The following AGTPBP1 variants were observed in gnomAD, a reference collection of about 807,000 sequenced individuals.
The protein encoded by AGTPBP1 is cytosolic carboxypeptidase 1.
AGTPBP1 carries 70 observed loss-of-function variants against 143.9 expected under a neutral mutation model. The observed-to-expected ratio is 0.49, with a 90% CI of 0.40 to 0.59. The LOEUF is 0.59. Among genes scored for constraint, AGTPBP1 ranks in the 20% least tolerant of loss-of-function variants. The pLI is 0.00. For synonymous variants in AGTPBP1, 463 were observed against 500.2 expected (o/e 0.93, Z 0.99); for missense variants, 1,229 against 1,464.5 (o/e 0.84, Z 2.62).
chr9:85,655,775 T>G (rs1478666286), intron 10 of AGTPBP1, among the ~76,000 whole-genome samples: 1 of 152,168 alleles, frequency 6.6e-6, no homozygotes, highest in Non-Finnish European at 1.5e-5. Flanking sequence ...ATAAGTTGGC[T>G]ATTCACCTTA....
At position 85,655,149 on chromosome 9, in the gene AGTPBP1, G is replaced by A; in HGVS notation, c.1081C>T (p.Pro361Ser). Residue 361 changes from proline (P) to serine (S), a missense_variant, in exon 11 of 26, where the codon CCT becomes TCT. Pro to Ser is a moderately conservative substitution (Grantham distance 74, BLOSUM62 -1). Around this residue, in one of 2 missense-constraint regions of AGTPBP1, gnomAD observed 743 missense variants for 812.2 expected, o/e 0.91. Transcript: ENST00000357081. ...AGTGACCCTGTGATCCTACCTTCAGGAGGTAAGCTGTAGAGCTGAGCCACA... is the reference window on the plus strand; with the variant it reads ...AGTGACCCTGTGATCCTACCTTCAGAAGGTAAGCTGTAGAGCTGAGCCACA... ...GPVAQLYSLP[P>S]EVDDVVDESD... is the part of the protein sequence containing the mutation. 6.2e-7 allele frequency: 1 copy of A among 1,611,022 alleles called. No homozygotes were observed. Among genetic ancestry groups the A allele is most frequent in the African/African-American group, 1.3e-5 (1 of 74,818 alleles).
intron 24 of AGTPBP1, among the ~76,000 whole-genome samples, chr9:85,578,423 C>A (rs990526308): frequency 6.6e-6 from 1 of 152,056 alleles, no homozygotes; most frequent in Non-Finnish European, 1.5e-5. Flanking sequence ...CCAGTCTGGG[C>A]AATATGGTGA....
intron 18 of AGTPBP1, among the ~76,000 whole-genome samples, chr9:85,592,988 G>A (rs746838823): frequency 3.3e-5 from 5 of 151,976 alleles, no homozygotes; most frequent in Non-Finnish European, 5.9e-5. Flanking sequence ...ATCCATACAC[G>A]TTACTGAATC....
chr9:85,657,665 A>G, intron 9 of AGTPBP1, 22 bp from the exon 10 acceptor site: 1 of 1,560,082 alleles, frequency 6.4e-7, no homozygotes, highest in Non-Finnish European at 8.7e-7. Context: ...GAAGATTGAG[A>G]AAGAATATTT....
chr9:85,756,015 C>T, the AGTPBP1 span: 1 of 1,208,740 alleles, frequency 8.3e-7, no homozygotes, highest in African/African-American at 1.6e-5. Flanking sequence ...TCTATTATTA[C>T]CATATAATTT....
chr9:85,763,369 T>C, the AGTPBP1 span, among the ~76,000 whole-genome samples: 1 of 152,184 alleles, frequency 6.6e-6, no homozygotes, highest in South Asian at 2.1e-4. Flanking sequence ...AGCAGGAGGA[T>C]GGATGCTCCA....
chr9:85,638,001 G>T (rs1282858495), intron 13 of AGTPBP1, among the ~76,000 whole-genome samples: 2 of 152,048 alleles, frequency 1.3e-5, no homozygotes, highest in Non-Finnish European at 2.9e-5. Context: ...AAAAATGTGG[G>T]TAAGTCTACA....
chr9:85,599,110 AACAC>A (rs57074552), intron 17 of AGTPBP1, among the ~76,000 whole-genome samples: 6,244 of 135,296 alleles, frequency 0.046, 167 homozygotes, highest in African/African-American at 0.084. Context: ...CTTGTCACTG[AACAC>A]ACACACACAC....
At chr9:85,726,445 C>T (rs973011832) in intron 1 of AGTPBP1, among the ~76,000 whole-genome samples, 1 of 152,004 alleles carries the variant, frequency 6.6e-6, no homozygotes, top group Non-Finnish European at 1.5e-5. Flanking sequence ...TACAAATGCC[C>T]GATAATCCGA....
At chr9:85,689,143 AT>A (rs889267682) in intron 3 of AGTPBP1, among the ~76,000 whole-genome samples, 1 of 151,530 alleles carries the variant, frequency 6.6e-6, no homozygotes, top group Non-Finnish European at 1.5e-5. Flanking sequence ...TTCAACTATA[AT>A]TTTTTTTTCA....
chr9:85,674,786 T>TG (rs1299960625), intron 6 of AGTPBP1, among the ~76,000 whole-genome samples: 21 of 152,250 alleles, frequency 1.4e-4, no homozygotes, highest in Non-Finnish European at 2.9e-5. Context: ...GAAATACGTA[T>TG]GTTAATAAAT....
chr9:85,570,842 T>C (rs1827413495), intron 25 of AGTPBP1, among the ~76,000 whole-genome samples: 1 of 152,182 alleles, frequency 6.6e-6, no homozygotes, highest in Non-Finnish European at 1.5e-5. Flanking sequence ...TGTTGGAGCC[T>C]AAGCAGGGTG....
At chr9:85,554,168 C>T (rs1004944176) in intron 25 of AGTPBP1, 2 of 152,256 alleles carry the variant, frequency 1.3e-5, no homozygotes, top group African/African-American at 4.8e-5. Flanking sequence ...TCCAGTGGAA[C>T]CCAGGCCAAG....
At chr9:85,618,111 G>C (rs754739419) in intron 17 of AGTPBP1, among the ~76,000 whole-genome samples, 12 of 151,776 alleles carry the variant, frequency 7.9e-5, no homozygotes, top group Non-Finnish European at 1.5e-4. Context: ...GTGGTGGCAC[G>C]CACCTGTAGT....
At chr9:85,572,959 C>T (rs1209000252) in intron 25 of AGTPBP1, among the ~76,000 whole-genome samples, 3 of 152,084 alleles carry the variant, frequency 2.0e-5, no homozygotes, top group Admixed American at 6.6e-5. Context: ...AAGTTAATAC[C>T]TAACAACAAA....
At chr9:85,592,533 T>C (rs1293622042) in intron 19 of AGTPBP1, 27 bp downstream of exon 19, 1 of 1,514,658 alleles carries the variant, frequency 6.6e-7, no homozygotes, top group South Asian at 1.2e-5. Context: ...CATATCCATA[T>C]AATACAATTT....
chr9:85,636,451 C>G (rs1349300620), intron 13 of AGTPBP1, among the ~76,000 whole-genome samples: 1 of 151,702 alleles, frequency 6.6e-6, no homozygotes, highest in Non-Finnish European at 1.5e-5. Context: ...TTAGTAGAGA[C>G]GGGGTTTCAT....
At chr9:85,677,754 GC>G (rs1834924065) in intron 5 of AGTPBP1, among the ~76,000 whole-genome samples, 172 bp from the exon 6 acceptor site, 1 of 152,100 alleles carries the variant, frequency 6.6e-6, no homozygotes, top group South Asian at 2.1e-4. Flanking sequence ...TGTAATCACA[GC>G]ACTTAGGGAG....
chr9:85,724,146 G>C (rs891274777), intron 1 of AGTPBP1, among the ~76,000 whole-genome samples: 6 of 151,996 alleles, frequency 3.9e-5, no homozygotes, highest in African/African-American at 1.4e-4. Flanking sequence ...AATTAGCCGG[G>C]TGTGGTGGTG....
Sources: gnomAD v4.1 joint callset for allele counts (sites outside exome capture counted in the v4.1 genomes callset) on GRCh38, gnomAD v4.1.1 for gene constraint, gnomAD v4.1.1 regional missense constraint, MANE v1.5 for transcripts, NCBI Gene and HGNC (gene_info 2026-07-23, HGNC 2026-07-21) for gene names.